The following PTPRB variants were observed in gnomAD, a reference collection of about 807,000 sequenced individuals.
PTPRB encodes receptor-type tyrosine-protein phosphatase beta.
In PTPRB, 97 loss-of-function variants were observed where a neutral mutation model predicts 238.1. The ratio of observed to expected loss-of-function variants is 0.41; its 90% confidence interval spans 0.35 to 0.48. The LOEUF is 0.48. Ranked by LOEUF, PTPRB falls within the 20% of genes least tolerant of loss-of-function variation. PTPRB has a pLI of 0.30. For missense variants in PTPRB, 2,292 were observed against 2,681.9 expected (o/e 0.85, Z 3.21); for synonymous variants, 970 against 995.4 (o/e 0.97, Z 0.48).
intron 3 of PTPRB, among the ~76,000 whole-genome samples, chr12:70,619,816 C>T (rs570341038): frequency 3.9e-5 from 6 of 152,282 alleles, no homozygotes; most frequent in African/African-American, 1.2e-4. Flanking sequence ...GATTTTACTC[C>T]TTTCTTATAC....
chr12:70,567,056 C>T (rs11178295), intron 14 of PTPRB, among the ~76,000 whole-genome samples: 35,013 of 152,066 alleles, frequency 0.23, 4,689 homozygotes, highest in African/African-American at 0.37. Context: ...GTGGGTTTGA[C>T]AGCTGAATTA....
At chr12:70,587,603 A>C (rs1434676928) in intron 8 of PTPRB, among the ~76,000 whole-genome samples, 2 of 152,122 alleles carry the variant, frequency 1.3e-5, no homozygotes, top group Non-Finnish European at 2.9e-5. Flanking sequence ...GTTCCTGTTT[A>C]AGTATTTAGG....
At chr12:70,585,510 A>G (rs1032403275) in intron 9 of PTPRB, among the ~76,000 whole-genome samples, 8 of 151,982 alleles carry the variant, frequency 5.3e-5, no homozygotes, top group African/African-American at 1.9e-4. Context: ...TGTGTTAGTG[A>G]GTGATTTCTC....
chr12:70,588,303 C>T (rs1592543442), intron 8 of PTPRB, among the ~76,000 whole-genome samples: 1 of 152,250 alleles, frequency 6.6e-6, no homozygotes, highest in Middle Eastern at 3.4e-3. Context: ...AGGCCTACTT[C>T]AAGTTACCTG....
chr12:70,544,496 A>G, intron 22 of PTPRB, 61 bp downstream of exon 22: 1 of 1,149,070 alleles, frequency 8.7e-7, no homozygotes, highest in Non-Finnish European at 1.3e-6. Flanking sequence ...ATATCTCCCC[A>G]TTAGAGGCTC....
chr12:70,571,546 A>G (rs987742614), intron 12 of PTPRB: 1 of 583,244 alleles, frequency 1.7e-6, no homozygotes. Flanking sequence ...ATCATAAGAT[A>G]AAACAAGAAG....
Position 70,572,102 on chromosome 12 carries a change from G to C in PTPRB, c.2843-15C>G, listed in dbSNP as rs750846542. On this transcript the variant is annotated splice_polypyrimidine_tract_variant and intron_variant, in intron 11 of 33. Transcript: ENST00000334414. ...TTTGTCAGGCACTGAAAAGGAAACA[G>C]AGAGTAACTAAATATTTATGAATTC... is the stretch of plus-strand genomic sequence containing the variant. 2 of 1,590,760 alleles carry C rather than the reference G, an allele frequency of 1.3e-6. No homozygotes were observed. Among genetic ancestry groups the C allele is most frequent in the Admixed American group, 3.5e-5 (2 of 57,070 alleles).
chr12:70,524,987 G>GTA lies in PTPRB; in HGVS notation c.6505-397_6505-396insTA, dbSNP rs1252732383. Among the ~76,000 whole-genome samples, 33 of 137,604 alleles carry GTA rather than the reference G, an allele frequency of 2.4e-4. 1 individual carries two copies. Among genetic ancestry groups the GTA allele is most frequent in the Middle Eastern group, 3.8e-3 (1 of 266 alleles). 90.3% of individuals were successfully genotyped at this position (137,604 alleles called of 152,430 possible). ...TGTGTATATATGTGTGTGTGTGTGT[G>GTA]TGTATATATATATATAAAATATTCT... On this transcript the variant is annotated intron_variant, in intron 32 of 33. Transcript: ENST00000334414.
chr12:70,556,588 A>G (rs1877717540), intron 18 of PTPRB, among the ~76,000 whole-genome samples: 1 of 152,228 alleles, frequency 6.6e-6, no homozygotes, highest in Non-Finnish European at 1.5e-5. Context: ...AAGGAACAGA[A>G]GAAATATCTG....
chr12:70,592,652 T>G, intron 6 of PTPRB, 107 bp from the exon 7 acceptor site: 4 of 1,219,316 alleles, frequency 3.3e-6, no homozygotes, highest in Non-Finnish European at 4.6e-6. Context: ...TTCCTTGCTC[T>G]GGAGAAAACA....
At chr12:70,570,100 C>T (rs1879845737) in intron 13 of PTPRB, among the ~76,000 whole-genome samples, 162 bp from the exon 14 acceptor site, 4 of 151,722 alleles carry the variant, frequency 2.6e-5, no homozygotes, top group Admixed American at 2.6e-4. Flanking sequence ...TCTGTGTGAA[C>T]TAAAGTTGAT....
chr12:70,593,070 A>C (rs747057514), intron 6 of PTPRB, among the ~76,000 whole-genome samples: 1 of 152,266 alleles, frequency 6.6e-6, no homozygotes, highest in Non-Finnish European at 1.5e-5. Flanking sequence ...TGATTACAAA[A>C]TTTTATGTGA....
At chr12:70,577,711 G>A (rs1287531230) in intron 10 of PTPRB, among the ~76,000 whole-genome samples, 3 of 152,106 alleles carry the variant, frequency 2.0e-5, no homozygotes. Context: ...TTCGGACTTT[G>A]TGAATTAAGC....
chr12:70,538,711 T>A, intron 27 of PTPRB: 1 of 578,136 alleles, frequency 1.7e-6, no homozygotes, highest in South Asian at 2.2e-5. Context: ...GTCAACAGCA[T>A]AAGAGGACTT....
At chr12:70,523,159 A>C (rs397136) in intron 33 of PTPRB, among the ~76,000 whole-genome samples, 65,895 of 151,142 alleles carry the variant, frequency 0.44, 16,583 homozygotes, top group African/African-American at 0.7. Context: ...ACTATGCCCA[A>C]CCTGTTTGTT....
rs1333097484 is a variant in PTPRB, at chr12:70,555,270, T to C, written c.5033A>G (p.Lys1678Arg). ...PPPPHIRVNE[K>R]DVLISKSSIN... ...GGAAGACTTGCTAATTAGCACATCC[T>C]TTTCATTCACACGAATGTGTGGGGG... Residue 1678 changes from lysine (K) to arginine (R), a missense_variant, in exon 20 of 34, where the codon AAG (lysine) becomes AGG (arginine). By Grantham distance (26) the Lys-to-Arg change is conservative (BLOSUM62 2). This residue lies in a region of PTPRB where 683 missense variants were observed against 862.0 expected (regional missense o/e 0.79). Coordinates refer to ENST00000334414, the MANE Select transcript of PTPRB (RefSeq NM_001109754.4). 1.2e-6 allele frequency: 2 copies of C among 1,613,354 alleles called. No individual in the cohort carries two copies. Among genetic ancestry groups the C allele is most frequent in the African/African-American group, 2.7e-5 (2 of 74,862 alleles).
rs662518 is a variant in PTPRB at position 70,523,023 on chromosome 12, C to T, written c.6625+1448G>A. Among the ~76,000 whole-genome samples the T allele has an allele frequency of 7.1e-3, 1,064 of 149,112 alleles. 13 individuals are homozygous for T. The highest frequency in any genetic ancestry group is 0.024 in the African/African-American group (983 of 40,476). ...AACTACAGGCACACGTCACCATGCC[C>T]GGCTAATTTTTGTATTTTTAGTAGA... On this transcript the variant is annotated intron_variant, in intron 33 of 33. Coordinates refer to ENST00000334414, the MANE Select transcript of PTPRB (RefSeq NM_001109754.4).
intron 17 of PTPRB, among the ~76,000 whole-genome samples, chr12:70,559,983 C>T (rs956744740): frequency 3.3e-5 from 5 of 151,708 alleles, no homozygotes; most frequent in Non-Finnish European, 7.4e-5. Flanking sequence ...ATTACAGGTG[C>T]CCACCACTAC....
intron 9 of PTPRB, among the ~76,000 whole-genome samples, chr12:70,586,314 T>A (rs914126647): frequency 1.3e-5 from 2 of 152,120 alleles, no homozygotes; most frequent in African/African-American, 4.8e-5. Context: ...CACCTGTTGT[T>A]TCTTGACTTT....
Sources: allele counts gnomAD v4.1 joint callset (sites outside exome capture counted in the v4.1 genomes callset), GRCh38; gene constraint gnomAD v4.1.1; regional missense constraint gnomAD v4.1.1; transcripts MANE v1.5; gene names NCBI Gene and HGNC (gene_info 2026-07-23, HGNC 2026-07-21).